Variants in PELI1 observed in about 807,000 individuals in gnomAD.
PELI1 encodes the protein E3 ubiquitin-protein ligase pellino homolog 1.
A neutral mutation model predicts 41.3 loss-of-function variants in PELI1; 15 were observed. The observed-to-expected ratio is 0.36, with a 90% confidence interval of 0.24 to 0.56. The LOEUF is 0.56. PELI1 is among the 20% of genes least tolerant of loss of function. PELI1 has a pLI of 0.82. For missense variants in PELI1, 403 were observed against 525.5 expected, an observed-to-expected ratio of 0.77 and a Z score of 2.28; for synonymous variants, 178 against 180.1, an observed-to-expected ratio of 0.99 and a Z score of 0.09.
chr2:64,106,347 C>T (rs1680620420), intron 2 of PELI1: 1 of 152,154 alleles, frequency 6.6e-6, no homozygotes, highest in Admixed American at 6.5e-5. Flanking sequence ...ACACCAAGTA[C>T]CAGACACAGA....
At chr2:64,137,659 A>G (rs1007883023) in intron 1 of PELI1, among the ~76,000 whole-genome samples, 1 of 152,174 alleles carries the variant, frequency 6.6e-6, no homozygotes, top group South Asian at 2.1e-4. Flanking sequence ...TTTACAAACA[A>G]TAACTGCCTT....
At chr2:64,103,567 T>C (rs1002712116) in intron 3 of PELI1, among the ~76,000 whole-genome samples, 3 of 152,278 alleles carry the variant, frequency 2.0e-5, no homozygotes, top group Non-Finnish European at 4.4e-5. Flanking sequence ...CTTAGTATAT[T>C]CCTTCTCGCC....
At chr2:64,128,045 G>C (rs1237367459) in intron 1 of PELI1, among the ~76,000 whole-genome samples, 1 of 151,796 alleles carries the variant, frequency 6.6e-6, no homozygotes, top group Non-Finnish European at 1.5e-5. Context: ...ACATTTAGTA[G>C]ATTAAAAAAA....
intron 1 of PELI1, among the ~76,000 whole-genome samples, chr2:64,135,225 A>C (rs141146546): frequency 3.3e-4 from 51 of 152,270 alleles, no homozygotes; most frequent in Admixed American, 9.2e-4. Context: ...TTAGGTATGT[A>C]GGTTCTGGAT....
rs748141143 is a variant in PELI1 at position 64,093,137 on chromosome 2, A to G, written c.*1565T>C. Reference sequence around the variant, plus strand: ...GAGTGAACCCAAATGATCATTTTTTAAAACAAGGAAGTTTCGACAGTTGAA... The same window carrying G: ...GAGTGAACCCAAATGATCATTTTTTGAAACAAGGAAGTTTCGACAGTTGAA... On this transcript the variant is annotated 3_prime_UTR_variant, in exon 7 of 7. Coordinates refer to ENST00000358912, the MANE Select transcript of PELI1 (RefSeq NM_020651.4). 1.3e-5 allele frequency: 2 copies of G among 152,686 alleles called. No homozygotes were observed. Among genetic ancestry groups the G allele is most frequent in the Non-Finnish European group, 2.9e-5 (2 of 68,040 alleles). The allele number at this position is 152,686 out of a possible 1,614,324, so 9.5% of individuals were successfully genotyped here.
Position 64,096,234 on chromosome 2 carries a change from C to T in PELI1, c.581G>A (p.Arg194His), listed in dbSNP as rs777535351. The T allele has an allele frequency of 1.7e-5, 28 of 1,613,500 alleles. No homozygotes were observed. Among genetic ancestry groups the T allele is most frequent in the South Asian group, 3.3e-5 (3 of 91,074 alleles). ...TTNGVLVMHP[R>H]NGFTEDSKPG... ...CTTGGAGTCTTCTGTGAACCCATTG[C>T]GTGGATGCATCACAAGAACACCATT... Residue 194 changes from arginine to histidine, a missense_variant, in exon 6 of 7, where the codon CGC (arginine) becomes CAC (histidine). By Grantham distance (29) the Arg-to-His change is conservative. Transcript: ENST00000358912.
intron 1 of PELI1, among the ~76,000 whole-genome samples, chr2:64,111,860 A>G (rs1023065809): frequency 6.6e-6 from 1 of 152,190 alleles, no homozygotes. Context: ...CAGAAGCTTA[A>G]CTAGAGGCAT....
intron 1 of PELI1, among the ~76,000 whole-genome samples, chr2:64,141,287 G>A (rs1001972575): frequency 2.0e-5 from 3 of 151,054 alleles, no homozygotes; most frequent in Non-Finnish European, 4.4e-5. Context: ...TGTAACTTTT[G>A]GAATAACATG....
intron 1 of PELI1, among the ~76,000 whole-genome samples, chr2:64,113,957 T>C (rs1314279158): frequency 6.6e-6 from 1 of 151,692 alleles, no homozygotes; most frequent in Non-Finnish European, 1.5e-5. Context: ...TAAACACAAG[T>C]ACAAAATTCC....
rs144943518 is a variant in PELI1 at position 64,127,118 on chromosome 2, C to A, written c.-70+16963G>T. Among the ~76,000 whole-genome samples the A allele has an allele frequency of 5.7e-3, 861 of 152,286 alleles. 8 individuals are homozygous for A. The highest frequency in any genetic ancestry group is 0.024 in the Middle Eastern group (7 of 294). On this transcript the variant is annotated intron_variant, in intron 1 of 6. Coordinates refer to ENST00000358912, the MANE Select transcript of PELI1 (RefSeq NM_020651.4). The stretch of plus-strand genomic sequence containing the variant: ...GACTACCAAGACCAAAGAAAAGATT[C>A]CCTTAACGCCTATTAATTTGTAAAA...
intron 2 of PELI1, chr2:64,106,274 G>C (rs996019710): frequency 3.3e-5 from 5 of 152,158 alleles, no homozygotes; most frequent in Admixed American, 1.3e-4. Flanking sequence ...AGCAGCAACA[G>C]CATGAAACCT....
At chr2:64,117,039 G>A (rs540686186) in intron 1 of PELI1, among the ~76,000 whole-genome samples, 8 of 152,260 alleles carry the variant, frequency 5.3e-5, no homozygotes, top group African/African-American at 1.9e-4. Flanking sequence ...ATTGATAAAT[G>A]CTGAGTGGGT....
At chr2:64,141,812 G>T (rs1681923136) in intron 1 of PELI1, among the ~76,000 whole-genome samples, 2 of 152,150 alleles carry the variant, frequency 1.3e-5, no homozygotes, top group Admixed American at 1.3e-4. Context: ...GGGTCTCAAA[G>T]AAATTATGAA....
At chr2:64,102,446 C>T (rs1680475149) in intron 3 of PELI1, among the ~76,000 whole-genome samples, 1 of 152,090 alleles carries the variant, frequency 6.6e-6, no homozygotes, top group Admixed American at 6.6e-5. Flanking sequence ...GAAAATGGCA[C>T]ACTACAGCTT....
chr2:64,097,097 C>A (rs969491971), intron 4 of PELI1, among the ~76,000 whole-genome samples: 1 of 152,204 alleles, frequency 6.6e-6, no homozygotes, highest in Non-Finnish European at 1.5e-5. Flanking sequence ...TCAGGTGCTA[C>A]AAGAGGTATA....
At chr2:64,128,490 A>G (rs905831093) in intron 1 of PELI1, among the ~76,000 whole-genome samples, 9 of 152,160 alleles carry the variant, frequency 5.9e-5, no homozygotes, top group Middle Eastern at 6.8e-3. Context: ...TGCCACAAAC[A>G]TTTCTTTCTC....
Position 64,108,341 on chromosome 2 carries a change from C to A in PELI1, c.-31G>T. ...TGGCTGTCTTTCTCAAATCTTTGTT[C>A]ACTGGTCAGGAGCCTTGGGACACCT... On this transcript the variant is annotated 5_prime_UTR_variant, in exon 2 of 7. Transcript: ENST00000358912. 1 of 1,410,432 alleles carries A rather than the reference C, an allele frequency of 7.1e-7. No homozygotes were observed. 87.4% of individuals were successfully genotyped at this position (1,410,432 alleles called of 1,614,324 possible).
intron 1 of PELI1, among the ~76,000 whole-genome samples, chr2:64,119,463 A>G (rs916351303): frequency 6.6e-6 from 1 of 152,216 alleles, no homozygotes; most frequent in African/African-American, 2.4e-5. Flanking sequence ...AGCATCTGCC[A>G]GTTACAGTTG....
Position 64,094,489 on chromosome 2 carries a change from A to C in PELI1, c.*213T>G. 2.1e-6 allele frequency: 1 copy of C among 477,840 alleles called. No individual in the cohort carries two copies. Among genetic ancestry groups the C allele is most frequent in the East Asian group, 3.3e-5 (1 of 30,108 alleles). The allele number at this position is 477,840 out of a possible 1,614,324, so 29.6% of individuals were successfully genotyped here. ...CTCAAAATATATTTTCAAAACTCAG[A>C]ATTCAGAAGACTGATACTTTCAGAA... On this transcript the variant is annotated 3_prime_UTR_variant, in exon 7 of 7. Coordinates refer to ENST00000358912, the MANE Select transcript of PELI1 (RefSeq NM_020651.4).
Sources: gnomAD v4.1 joint callset for allele counts (sites outside exome capture counted in the v4.1 genomes callset) on GRCh38, gnomAD v4.1.1 for gene constraint, MANE v1.5 for transcripts, NCBI Gene and HGNC (gene_info 2026-07-23, HGNC 2026-07-21) for gene names.